The following PLCL2 variants were observed in gnomAD, a reference collection of about 807,000 sequenced individuals.
PLCL2 encodes inactive phospholipase C-like protein 2.
Under a neutral mutation model 79.6 loss-of-function variants are expected in PLCL2, and 4 were observed. That is an observed-to-expected ratio of 0.05 (90% CI 0.02 to 0.11). PLCL2 has a LOEUF of 0.11. Among genes scored for constraint, PLCL2 ranks in the 10% least tolerant of loss-of-function variants. The pLI, the probability that PLCL2 is intolerant of heterozygous loss-of-function variation, is 1.00. For synonymous variants in PLCL2, 484 were observed against 457.7 expected (o/e 1.06, Z -0.73); for missense variants, 895 against 1,291.0 (o/e 0.69, Z 4.70).
intron 1 of PLCL2, among the ~76,000 whole-genome samples, chr3:16,979,109 C>G (rs1440978119): frequency 2.0e-5 from 3 of 152,140 alleles, no homozygotes; most frequent in African/African-American, 7.2e-5. Context: ...GTAGGGATCT[C>G]TAAATTTGAT....
At chr3:16,922,383 T>C (rs1697142742) in intron 1 of PLCL2, among the ~76,000 whole-genome samples, 1 of 152,216 alleles carries the variant, frequency 6.6e-6, no homozygotes, top group Non-Finnish European at 1.5e-5. Flanking sequence ...GCATTGTGTC[T>C]CAACTCTCAT....
In PLCL2 at chr3:17,011,632, T is replaced by C. The variant is rs2064323685; in HGVS notation, c.2286T>C (p.Ser762=). Residue 762 remains serine (S), a synonymous_variant, in exon 2 of 6, where the codon AGT becomes AGC. Transcript: ENST00000615277. The surrounding 1 kb of genome is among the most constrained non-coding windows in gnomAD (Gnocchi z 7.9). ...SPQLLHIKII[S]GQNFPKPKGS... ...AACTTCTTCACATTAAAATCATCAG[T>C]GGGCAGAACTTTCCCAAGCCCAAAG... 1.2e-6 allele frequency: 2 copies of C among 1,614,100 alleles called. No individual in the cohort carries two copies. Among genetic ancestry groups the C allele is most frequent in the Non-Finnish European group, 1.7e-6 (2 of 1,180,006 alleles).
At chr3:16,986,433 ACT>A (rs1344725889) in intron 1 of PLCL2, among the ~76,000 whole-genome samples, 2 of 151,910 alleles carry the variant, frequency 1.3e-5, no homozygotes, top group East Asian at 3.9e-4. Flanking sequence ...ACAAGATCTC[ACT>A]CTGTCATCCA....
At chr3:17,080,681 C>T (rs983672919) in intron 5 of PLCL2, among the ~76,000 whole-genome samples, 1 of 152,172 alleles carries the variant, frequency 6.6e-6, no homozygotes, top group African/African-American at 2.4e-5. Context: ...GAACTCCTGA[C>T]CTCAGGTGAT....
chr3:16,910,510 T>A (rs1696853923), intron 1 of PLCL2, among the ~76,000 whole-genome samples: 1 of 152,062 alleles, frequency 6.6e-6, no homozygotes, highest in Non-Finnish European at 1.5e-5. Flanking sequence ...GTCTTTTCAG[T>A]CCCCTTTTCT....
rs1272078005 is a variant in PLCL2 at position 17,009,572 on chromosome 3, A to G, written c.328-102A>G. 3.2e-6 allele frequency: 2 copies of G among 625,508 alleles called. No individual in the cohort carries two copies. The highest frequency in any genetic ancestry group is 5.4e-6 in the Non-Finnish European group (2 of 369,444). The allele number at this position is 625,508 out of a possible 1,614,324, so 38.7% of individuals were successfully genotyped here. ...CAGGAATCTAGAATAGGAAATCTTA[A>G]TAGTATGATTTTTTTCTAGGAAATT... On this transcript the variant is annotated intron_variant, in intron 1 of 5. Coordinates refer to ENST00000615277, the MANE Select transcript of PLCL2 (RefSeq NM_001144382.2). This position sits in a 1 kb window ranked among gnomAD's most constrained non-coding sequence, Gnocchi z 4.0.
intron 5 of PLCL2, among the ~76,000 whole-genome samples, chr3:17,080,350 C>T (rs999891623): frequency 1.1e-4 from 16 of 152,118 alleles, no homozygotes; most frequent in African/African-American, 3.6e-4. Context: ...GAATGTGCCA[C>T]GATCTCAGCC....
At chr3:17,055,821 C>T (rs1394166619) in intron 4 of PLCL2, among the ~76,000 whole-genome samples, 2 of 152,186 alleles carry the variant, frequency 1.3e-5, no homozygotes, top group East Asian at 3.9e-4. Context: ...CTCTGTCTCT[C>T]ACAGGGAGAG....
At chr3:16,954,317 G>A (rs1406409337) in intron 1 of PLCL2, among the ~76,000 whole-genome samples, 1 of 152,038 alleles carries the variant, frequency 6.6e-6, no homozygotes, top group Admixed American at 6.6e-5. Flanking sequence ...GAGAATGATG[G>A]TTTCCAGTTT....
chr3:16,904,105 T>C (rs1696694034), intron 1 of PLCL2, among the ~76,000 whole-genome samples: 1 of 152,212 alleles, frequency 6.6e-6, no homozygotes, highest in Non-Finnish European at 1.5e-5. Flanking sequence ...GTTGGGTAGC[T>C]AATCTGGCTT....
chr3:17,034,810 A>T lies in PLCL2; in HGVS notation c.3019-8064A>T, dbSNP rs181285977. 1.6e-3 allele frequency among the ~76,000 whole-genome samples: 239 copies of T among 152,274 alleles called. 3 individuals carry two copies. The highest frequency in any genetic ancestry group is 6.9e-3 in the Admixed American group (106 of 15,286). ...TTCACTGAAAGTCGCAGTTTCCAAG[A>T]AGCTGTCCATGTTAAGAGAAGACTT... On this transcript the variant is annotated intron_variant, in intron 3 of 5. Transcript: ENST00000615277.
intron 1 of PLCL2, among the ~76,000 whole-genome samples, chr3:16,978,215 A>T (rs1292098161): frequency 6.6e-6 from 1 of 152,242 alleles, no homozygotes; most frequent in Admixed American, 6.5e-5. Flanking sequence ...AAAGGACAGG[A>T]GAAGAAATAA....
chr3:16,898,970 A>C (rs1019627789), intron 1 of PLCL2, among the ~76,000 whole-genome samples: 1 of 152,264 alleles, frequency 6.6e-6, no homozygotes, highest in African/African-American at 2.4e-5. Context: ...TTGGCAGGCC[A>C]TTTGGCAGTA....
intron 2 of PLCL2, among the ~76,000 whole-genome samples, chr3:17,013,298 G>A (rs1366629841): frequency 6.6e-6 from 1 of 152,190 alleles, no homozygotes; most frequent in East Asian, 1.9e-4. Flanking sequence ...CAAAGCAGTC[G>A]GTAGTGATAC....
At chr3:17,075,545 T>TA (rs61190858) in intron 5 of PLCL2, among the ~76,000 whole-genome samples, 22,726 of 129,690 alleles carry the variant, frequency 0.18, 2,184 homozygotes, top group African/African-American at 0.21. Context: ...CTTCAATGTG[T>TA]AAAAAAAAAA....
chr3:17,001,437 C>T (rs1347019478), intron 1 of PLCL2, among the ~76,000 whole-genome samples: 1 of 151,880 alleles, frequency 6.6e-6, no homozygotes, highest in African/African-American at 2.4e-5. Context: ...ACATCTTGCC[C>T]AGCTGAATTG....
intron 5 of PLCL2, among the ~76,000 whole-genome samples, chr3:17,070,602 T>C (rs1170527123): frequency 5.9e-5 from 9 of 152,122 alleles, no homozygotes; most frequent in Admixed American, 5.2e-4. Context: ...AGAATGGGGT[T>C]TTTTTTTCAT....
At chr3:17,023,694 C>T (rs539098744) in intron 3 of PLCL2, among the ~76,000 whole-genome samples, 38 of 152,142 alleles carry the variant, frequency 2.5e-4, no homozygotes, top group African/African-American at 8.2e-4. Flanking sequence ...CTAATACACT[C>T]GATATGTTGA....
chr3:17,021,400 A>G (rs140806172), intron 3 of PLCL2, among the ~76,000 whole-genome samples: 2 of 152,356 alleles, frequency 1.3e-5, no homozygotes, highest in African/African-American at 4.8e-5. Flanking sequence ...TGCTGGTAAC[A>G]TCACATGTAT....
Sources: gnomAD v4.1 joint callset for allele counts (sites outside exome capture counted in the v4.1 genomes callset) on GRCh38, gnomAD v4.1.1 for gene constraint, Gnocchi (gnomAD v3.1) non-coding constraint, MANE v1.5 for transcripts, NCBI Gene and HGNC (gene_info 2026-07-23, HGNC 2026-07-21) for gene names.